PRKG1: variants seen among roughly 807,000 people sequenced by gnomAD.
PRKG1 encodes protein kinase cGMP-dependent 1, also known as cGMP-dependent protein kinase 1.
In PRKG1, 35 loss-of-function variants were observed where a neutral mutation model predicts 88.1. The ratio of observed to expected loss-of-function variants is 0.40; its 90% CI spans 0.30 to 0.53. The LOEUF (loss-of-function observed/expected upper bound fraction) is 0.53, where lower values mean the gene tolerates loss of function less well. Among genes scored for constraint, PRKG1 ranks in the 20% least tolerant of loss-of-function variants. The probability of loss-of-function intolerance (pLI) is 0.59; values close to 1 mark genes in which losing one functional copy is unlikely to be tolerated. For synonymous variants in PRKG1, 303 were observed against 292.5 expected, an observed-to-expected ratio of 1.04 and a Z score of -0.37; for missense variants, 540 against 839.8, an observed-to-expected ratio of 0.64 and a Z score of 4.41.
intron 9 of PRKG1, among the ~76,000 whole-genome samples, chr10:52,193,784 C>T (rs1380729339): frequency 6.6e-6 from 1 of 152,046 alleles, no homozygotes; most frequent in African/African-American, 2.4e-5. Context: ...TCCTCTGGAT[C>T]CCTTCAGAGA....
At chr10:51,979,228 T>C (rs1041133932) in intron 5 of PRKG1, among the ~76,000 whole-genome samples, 8 of 152,106 alleles carry the variant, frequency 5.3e-5, no homozygotes, top group African/African-American at 1.9e-4. Context: ...GTAGTTTTTG[T>C]CTCTTGTTCT....
At chr10:52,283,944 C>T (rs963431648) in intron 14 of PRKG1, among the ~76,000 whole-genome samples, 1 of 151,858 alleles carries the variant, frequency 6.6e-6, no homozygotes, top group Non-Finnish European at 1.5e-5. Context: ...TTAAACATGA[C>T]AACTTATATT....
At chr10:51,633,933 G>A (rs1230278215) in intron 3 of PRKG1, among the ~76,000 whole-genome samples, 1 of 152,052 alleles carries the variant, frequency 6.6e-6, no homozygotes, top group Non-Finnish European at 1.5e-5. Context: ...TGCTAACCAG[G>A]GTAATAATTT....
chr10:52,153,699 A>C (rs1202067688), intron 8 of PRKG1, among the ~76,000 whole-genome samples: 1 of 152,202 alleles, frequency 6.6e-6, no homozygotes, highest in Non-Finnish European at 1.5e-5. Context: ...AAGTGATTTT[A>C]AAGTAGTATC....
rs148142098 is a variant in PRKG1 at position 51,918,168 on chromosome 10, G to T, written c.762+10598G>T. 3.0e-3 allele frequency among the ~76,000 whole-genome samples: 463 copies of T among 152,156 alleles called. 3 individuals are homozygous for T. The highest frequency in any genetic ancestry group is 5.1e-3 in the Non-Finnish European group (347 of 68,000). ...CAGATAACACAGCGAATTAAATGGG[G>T]AAGTATTTTACCCTATGCAATCCGA... On this transcript the variant is annotated intron_variant, in intron 5 of 17. Coordinates refer to ENST00000373980, the MANE Select transcript of PRKG1 (RefSeq NM_006258.4).
At chr10:51,157,417 A>G (rs1846241649) in intron 2 of PRKG1, among the ~76,000 whole-genome samples, 1 of 151,926 alleles carries the variant, frequency 6.6e-6, no homozygotes, top group East Asian at 1.9e-4. Flanking sequence ...ATATTTGGAT[A>G]CAGTTTATTT....
chr10:51,550,984 A>G (rs1341594456), intron 3 of PRKG1, among the ~76,000 whole-genome samples: 1 of 151,922 alleles, frequency 6.6e-6, no homozygotes, highest in African/African-American at 2.4e-5. Context: ...TTAAACCTTT[A>G]TTAAGAAATA....
chr10:51,863,944 C>A (rs1428296526), intron 4 of PRKG1, among the ~76,000 whole-genome samples: 1 of 152,312 alleles, frequency 6.6e-6, no homozygotes, highest in East Asian at 1.9e-4. Context: ...AGCTGGCACA[C>A]AAGGAGGAGA....
In PRKG1 at chr10:51,101,011, T is replaced by C. The variant is rs186996565; in HGVS notation, c.311+26110T>C. Reference sequence around the variant, plus strand: ...AAGAAGTTTTCACCAAGGGAGTCTCTTCTGGCTTGGTTCTCATCCCTCTCG... The same window carrying C: ...AAGAAGTTTTCACCAAGGGAGTCTCCTCTGGCTTGGTTCTCATCCCTCTCG... On this transcript the variant is annotated intron_variant, in intron 1 of 17. Transcript: ENST00000373980. 8.5e-5 allele frequency among the ~76,000 whole-genome samples: 13 copies of C among 152,300 alleles called. No homozygotes were observed. The East Asian group carries it at 2.5e-3, about 29-fold the overall frequency.
intron 5 of PRKG1, among the ~76,000 whole-genome samples, chr10:51,946,185 C>A (rs1246430119): frequency 2.6e-5 from 4 of 151,976 alleles, no homozygotes; most frequent in Non-Finnish European, 4.4e-5. Context: ...CTCTAAACTT[C>A]CCTTCTCACT....
At chr10:51,266,599 T>C (rs1427520975) in intron 2 of PRKG1, among the ~76,000 whole-genome samples, 1 of 152,226 alleles carries the variant, frequency 6.6e-6, no homozygotes, top group Admixed American at 6.5e-5. Flanking sequence ...TTAAATTAAA[T>C]AAGCAGCTTT....
intron 3 of PRKG1, chr10:51,698,864 A>G (rs1178767401): frequency 1.2e-6 from 2 of 1,614,164 alleles, no homozygotes; most frequent in East Asian, 2.2e-5. Flanking sequence ...CTGCTGGTTC[A>G]GCAGAACATT....
chr10:51,054,123 G>A (rs945641321), intron 1 of PRKG1, among the ~76,000 whole-genome samples: 1 of 151,622 alleles, frequency 6.6e-6, no homozygotes, highest in Non-Finnish European at 1.5e-5. Flanking sequence ...TCCTAGTTCT[G>A]AGAAACTTTC....
At chr10:52,045,871 G>A (rs1390574391) in intron 5 of PRKG1, among the ~76,000 whole-genome samples, 1 of 152,026 alleles carries the variant, frequency 6.6e-6, no homozygotes, top group Non-Finnish European at 1.5e-5. Flanking sequence ...GGGCATGATG[G>A]TTCTTGCAGG....
intron 3 of PRKG1, among the ~76,000 whole-genome samples, chr10:51,485,159 TTAG>T (rs1307302951): frequency 6.6e-6 from 1 of 152,212 alleles, no homozygotes; most frequent in African/African-American, 2.4e-5. Flanking sequence ...TTGGGCCATA[TTAG>T]TAAATGCCAA....
intron 3 of PRKG1, among the ~76,000 whole-genome samples, chr10:51,496,365 C>G (rs1367053785): frequency 1.3e-5 from 2 of 152,114 alleles, no homozygotes; most frequent in African/African-American, 2.4e-5. Context: ...GGGTTGCAGA[C>G]AGAAGAGTTC....
At chr10:51,708,160 T>C (rs1205416317) in intron 3 of PRKG1, among the ~76,000 whole-genome samples, 2 of 152,114 alleles carry the variant, frequency 1.3e-5, no homozygotes. Flanking sequence ...TGCAAGTAGG[T>C]TAGGTTTTTC....
chr10:51,139,288 G>A (rs1001832033), intron 1 of PRKG1, among the ~76,000 whole-genome samples: 1 of 152,112 alleles, frequency 6.6e-6, no homozygotes, highest in Non-Finnish European at 1.5e-5. Flanking sequence ...CTAGACTGAA[G>A]CACAATATTC....
At chr10:51,818,390 T>C (rs1839648387) in intron 4 of PRKG1, among the ~76,000 whole-genome samples, 1 of 152,004 alleles carries the variant, frequency 6.6e-6, no homozygotes, top group Admixed American at 6.6e-5. Context: ...CCCCATAATA[T>C]AGACAAGAGA....
Sources: gnomAD v4.1 joint callset for allele counts (sites outside exome capture counted in the v4.1 genomes callset) on GRCh38, gnomAD v4.1.1 for gene constraint, MANE v1.5 for transcripts, NCBI Gene and HGNC (gene_info 2026-07-23, HGNC 2026-07-21) for gene names.